SGCZ: variants seen among roughly 807,000 people sequenced by gnomAD.
The protein encoded by SGCZ is sarcoglycan zeta.
Under a neutral mutation model 41.3 loss-of-function variants are expected in SGCZ, and 40 were observed. The ratio of observed to expected loss-of-function variants is 0.97; its 90% confidence interval spans 0.75 to 1.26. The LOEUF (loss-of-function observed/expected upper bound fraction) is 1.26. Among genes scored for constraint, SGCZ ranks in the 50% most tolerant of loss-of-function variants. SGCZ has a pLI of 0.00. For synonymous variants in SGCZ, 206 were observed against 137.5 expected, an observed-to-expected ratio of 1.50 and a Z score of -3.49; for missense variants, 552 against 369.8, an observed-to-expected ratio of 1.49 and a Z score of -4.04.
intron 2 of SGCZ, among the ~76,000 whole-genome samples, chr8:14,413,445 T>C (rs2117283405): frequency 6.6e-6 from 1 of 152,128 alleles, no homozygotes; most frequent in Middle Eastern, 3.4e-3. Flanking sequence ...AAGAGTTCTT[T>C]CCTCTTTTAA....
chr8:15,219,344 A>G (rs1210219678), intron 1 of SGCZ, among the ~76,000 whole-genome samples: 1 of 152,212 alleles, frequency 6.6e-6, no homozygotes, highest in Non-Finnish European at 1.5e-5. Flanking sequence ...GACTGTGCTC[A>G]GTTAAAATAC....
intron 1 of SGCZ, among the ~76,000 whole-genome samples, chr8:14,665,418 G>T (rs1377997085): frequency 6.6e-6 from 1 of 152,116 alleles, no homozygotes; most frequent in Non-Finnish European, 1.5e-5. Flanking sequence ...ATCATTGTTG[G>T]ACATTTGGCT....
intron 1 of SGCZ, among the ~76,000 whole-genome samples, chr8:14,839,629 G>A (rs10089288): frequency 0.57 from 86,621 of 151,634 alleles, 25,751 homozygotes; most frequent in East Asian, 0.81. Context: ...AGTCTTGAAC[G>A]CTCTTCCTCC....
intron 1 of SGCZ, among the ~76,000 whole-genome samples, chr8:14,833,442 T>G (rs540308866): frequency 6.6e-6 from 1 of 152,140 alleles, no homozygotes; most frequent in Non-Finnish European, 1.5e-5. Context: ...GTATTTTAGG[T>G]GAACTTTTCT....
chr8:15,194,963 A>C (rs895536081), intron 1 of SGCZ, among the ~76,000 whole-genome samples: 5 of 152,206 alleles, frequency 3.3e-5, no homozygotes, highest in Admixed American at 3.3e-4. Context: ...CGTCGTTTTT[A>C]AAAAGGAAAT....
At chr8:14,743,225 T>G (rs1048653307) in intron 1 of SGCZ, among the ~76,000 whole-genome samples, 1 of 152,092 alleles carries the variant, frequency 6.6e-6, no homozygotes, top group Admixed American at 6.6e-5. Context: ...TCAAATGTTA[T>G]CATTGATGAT....
At chr8:14,313,489 G>A (rs570591484) in intron 3 of SGCZ, among the ~76,000 whole-genome samples, 1 of 151,904 alleles carries the variant, frequency 6.6e-6, no homozygotes, top group Non-Finnish European at 1.5e-5. Context: ...GCTAATTTTT[G>A]TATTTTTAGT....
At chr8:15,083,239 C>G (rs771275472) in intron 1 of SGCZ, among the ~76,000 whole-genome samples, 4 of 152,152 alleles carry the variant, frequency 2.6e-5, no homozygotes, top group Non-Finnish European at 5.9e-5. Flanking sequence ...AATTACAAAT[C>G]TATTAATTTC....
chr8:14,814,026 A>G (rs1372515369), intron 1 of SGCZ, among the ~76,000 whole-genome samples: 3 of 152,182 alleles, frequency 2.0e-5, no homozygotes, highest in Non-Finnish European at 4.4e-5. Flanking sequence ...AATCATGTCT[A>G]TGGAGGCCCT....
intron 1 of SGCZ, among the ~76,000 whole-genome samples, chr8:15,008,308 G>A (rs1802680405): frequency 2.0e-5 from 3 of 151,598 alleles, no homozygotes; most frequent in Non-Finnish European, 2.9e-5. Context: ...TTTCTGTCAT[G>A]GTTTAACAAT....
At chr8:14,341,287 C>T (rs1014727324) in intron 2 of SGCZ, among the ~76,000 whole-genome samples, 12 of 152,074 alleles carry the variant, frequency 7.9e-5, no homozygotes, top group Middle Eastern at 3.2e-3. Context: ...AGTATATATC[C>T]GAAAGCAGAT....
Position 14,716,096 on chromosome 8 carries a change from AAAG to A in SGCZ, c.40-161173_40-161171del, listed in dbSNP as rs549874592. On this transcript the variant is annotated intron_variant, in intron 1 of 7. Transcript: ENST00000382080. ...ATAGCAAAACTTAAACAAGGCCGAT[AAAG>A]TGGAACCTAGAAATTAATTACCTTC... 1.6e-3 allele frequency among the ~76,000 whole-genome samples: 247 copies of A among 152,258 alleles called. 2 individuals are homozygous for A. The highest frequency in any genetic ancestry group is 4.6e-3 in the Admixed American group (70 of 15,280).
chr8:15,002,132 A>G (rs1802447563), intron 1 of SGCZ, among the ~76,000 whole-genome samples: 1 of 152,124 alleles, frequency 6.6e-6, no homozygotes, highest in African/African-American at 2.4e-5. Flanking sequence ...GATGTAAGCC[A>G]CAGAACAGCA....
chr8:15,061,801 C>T lies in SGCZ; in HGVS notation c.39+175784G>A, dbSNP rs1447478054. Among the ~76,000 whole-genome samples the T allele has an allele frequency of 2.0e-5, 3 of 152,210 alleles. No individual in the cohort carries two copies. In the East Asian group the frequency reaches 5.8e-4, roughly 29 times the overall value. ...TAAATTTCTATCATTTATAAACTACCCAGTCTCAACTATTTTGGTATAACA... is the reference window on the plus strand; with the variant it reads ...TAAATTTCTATCATTTATAAACTACTCAGTCTCAACTATTTTGGTATAACA... On this transcript the variant is annotated intron_variant, in intron 1 of 7. Transcript: ENST00000382080.
chr8:14,732,475 T>C (rs184337795), intron 1 of SGCZ, among the ~76,000 whole-genome samples: 2 of 152,250 alleles, frequency 1.3e-5, no homozygotes, highest in East Asian at 3.9e-4. Flanking sequence ...TTATTCAAAA[T>C]GACCTCAAGT....
intron 1 of SGCZ, among the ~76,000 whole-genome samples, chr8:14,612,322 G>A (rs1423883300): frequency 1.3e-5 from 2 of 152,104 alleles, no homozygotes; most frequent in African/African-American, 4.8e-5. Flanking sequence ...CTTTACAAGT[G>A]TTTGGCATTT....
intron 1 of SGCZ, among the ~76,000 whole-genome samples, chr8:14,660,014 C>T (rs1040860561): frequency 1.3e-5 from 2 of 152,058 alleles, no homozygotes; most frequent in Non-Finnish European, 2.9e-5. Flanking sequence ...CCTGAGGCTA[C>T]CAGGAGCTAA....
At chr8:14,999,724 A>G (rs1247956169) in intron 1 of SGCZ, among the ~76,000 whole-genome samples, 1 of 152,034 alleles carries the variant, frequency 6.6e-6, no homozygotes, top group East Asian at 1.9e-4. Flanking sequence ...TTCAGTGCAC[A>G]CCCCAGGCAG....
chr8:14,518,148 A>G (rs10111314), intron 2 of SGCZ, among the ~76,000 whole-genome samples: 10,477 of 151,986 alleles, frequency 0.069, 1,001 homozygotes, highest in African/African-American at 0.22. Context: ...AATATATTTC[A>G]TCCCAGTAAG....
Sources: gnomAD v4.1 joint callset for allele counts (sites outside exome capture counted in the v4.1 genomes callset) on GRCh38, gnomAD v4.1.1 for gene constraint, MANE v1.5 for transcripts, NCBI Gene and HGNC (gene_info 2026-07-23, HGNC 2026-07-21) for gene names.